THRAP3: variants seen among roughly 807,000 people sequenced by gnomAD.
THRAP3 encodes the protein thyroid hormone receptor-associated protein 3.
In THRAP3, 16 loss-of-function variants were observed where a neutral mutation model predicts 101.0. The ratio of observed to expected loss-of-function variants is 0.16; its 90% CI spans 0.11 to 0.24. The LOEUF (loss-of-function observed/expected upper bound fraction) is 0.24. THRAP3 is among the 10% of genes least tolerant of loss of function. The pLI, the probability that THRAP3 is intolerant of heterozygous loss-of-function variation, is 1.00. For synonymous variants in THRAP3, 407 were observed against 422.6 expected (o/e 0.96, Z 0.45); for missense variants, 989 against 1,202.7 (o/e 0.82, Z 2.63).
chr1:36,293,741 G>A (rs1245205878), intron 7 of THRAP3, 110 bp from the exon 8 acceptor site: 11 of 824,114 alleles, frequency 1.3e-5, no homozygotes, highest in Admixed American at 9.2e-5. Context: ...GTCATGAAAC[G>A]TAAGGAAAAA....
At chr1:36,293,611 AACTTCTGTTAC>A (rs1281995449) in intron 7 of THRAP3, among the ~76,000 whole-genome samples, 2 of 144,630 alleles carry the variant, frequency 1.4e-5, no homozygotes, top group African/African-American at 5.1e-5. Context: ...AAAAACCTCT[AACTTCTGTTAC>A]ACTGTGGGAA....
intron 1 of THRAP3, among the ~76,000 whole-genome samples, chr1:36,250,359 G>A (rs1242432929): frequency 2.0e-5 from 3 of 151,704 alleles, no homozygotes; most frequent in Non-Finnish European, 4.4e-5. Flanking sequence ...TACTACAGGC[G>A]CCCGCCACCA....
chr1:36,248,175 C>T (rs576827603), intron 1 of THRAP3, among the ~76,000 whole-genome samples: 3 of 152,212 alleles, frequency 2.0e-5, no homozygotes, highest in African/African-American at 4.8e-5. Flanking sequence ...CCACGGTGCC[C>T]AGCCTCCTTC....
At chr1:36,248,705 C>A (rs1433667935) in intron 1 of THRAP3, among the ~76,000 whole-genome samples, 1 of 151,668 alleles carries the variant, frequency 6.6e-6, no homozygotes, top group African/African-American at 2.4e-5. Context: ...TCAGTAAATT[C>A]TTATGTATGT....
At chr1:36,245,460 C>T (rs762207850) in intron 1 of THRAP3, among the ~76,000 whole-genome samples, 11 of 152,180 alleles carry the variant, frequency 7.2e-5, no homozygotes, top group Non-Finnish European at 1.2e-4. Context: ...TGAGCCACCA[C>T]GCCTGGGTCC....
chr1:36,216,712 G>A, the THRAP3 span, among the ~76,000 whole-genome samples: 1 of 152,032 alleles, frequency 6.6e-6, no homozygotes, highest in African/African-American at 2.4e-5. Context: ...TTGAGCCCAG[G>A]AGGCTGCAGT....
At chr1:36,265,013 C>T (rs1041269527) in intron 2 of THRAP3, among the ~76,000 whole-genome samples, 76 of 152,240 alleles carry the variant, frequency 5.0e-4, no homozygotes, top group African/African-American at 1.7e-3. Context: ...CCAAATTTCC[C>T]CTTTTTATAA....
chr1:36,227,314 G>A (rs1008728766), intron 1 of THRAP3, among the ~76,000 whole-genome samples: 4 of 150,178 alleles, frequency 2.7e-5, no homozygotes, highest in African/African-American at 7.4e-5. Flanking sequence ...ATGGTGTTTC[G>A]CTCTTGTTGC....
At chr1:36,262,772 TTTTATTTTATTTTA>T (rs1275204586) in intron 2 of THRAP3, among the ~76,000 whole-genome samples, 2 of 150,464 alleles carry the variant, frequency 1.3e-5, no homozygotes, top group Non-Finnish European at 3.0e-5. Flanking sequence ...TTCTATTTTA[TTTTATTTTATTTTA>T]TTTATTTATT....
chr1:36,277,511 A>AT (rs1321737969), intron 2 of THRAP3, among the ~76,000 whole-genome samples: 1 of 148,268 alleles, frequency 6.7e-6, no homozygotes, highest in Non-Finnish European at 1.5e-5. Flanking sequence ...ACATTTATTT[A>AT]TTTTTTATTT....
chr1:36,231,066 C>T (rs527504932), intron 1 of THRAP3, among the ~76,000 whole-genome samples: 15 of 152,182 alleles, frequency 9.9e-5, no homozygotes, highest in African/African-American at 3.6e-4. Flanking sequence ...GTCTATTTTC[C>T]ATCTTTTATT....
At chr1:36,270,412 G>GGCACAC (rs1293665548) in intron 2 of THRAP3, among the ~76,000 whole-genome samples, 90 of 152,004 alleles carry the variant, frequency 5.9e-4, no homozygotes, top group African/African-American at 1.5e-3. Flanking sequence ...CACGCACACA[G>GGCACAC]GCACACGCAC....
chr1:36,292,558 C>T, intron 6 of THRAP3, 40 bp from the exon 7 acceptor site: 1 of 1,527,136 alleles, frequency 6.5e-7, no homozygotes, highest in Non-Finnish European at 9.0e-7. Context: ...GCTTGAGCCA[C>T]CATGCCTGGC....
intron 9 of THRAP3, among the ~76,000 whole-genome samples, chr1:36,298,588 G>A (rs1326317389): frequency 6.6e-6 from 1 of 152,060 alleles, no homozygotes; most frequent in Non-Finnish European, 1.5e-5. Flanking sequence ...TGAACTCCTG[G>A]GTTCAAGTGA....
At chr1:36,249,114 C>T (rs1376485251) in intron 1 of THRAP3, among the ~76,000 whole-genome samples, 1 of 151,844 alleles carries the variant, frequency 6.6e-6, no homozygotes, top group Non-Finnish European at 1.5e-5. Flanking sequence ...TCTCAAACTC[C>T]AGACCACAGG....
chr1:36,303,164 G>A (rs77802064), intron 11 of THRAP3, among the ~76,000 whole-genome samples: 3,762 of 134,466 alleles, frequency 0.028, 71 homozygotes, highest in Non-Finnish European at 0.041. Flanking sequence ...GGTTTTCACC[G>A]TATAGCCCAG....
chr1:36,215,373 A>G, the THRAP3 span, among the ~76,000 whole-genome samples: 1 of 152,294 alleles, frequency 6.6e-6, no homozygotes, highest in East Asian at 1.9e-4. Context: ...ATTACACTCC[A>G]GAGTCAATGG....
At chr1:36,266,450 A>G (rs1467817625) in intron 2 of THRAP3, among the ~76,000 whole-genome samples, 1 of 151,910 alleles carries the variant, frequency 6.6e-6, no homozygotes, top group African/African-American at 2.4e-5. Context: ...TACATTTCTC[A>G]TTGAATTTTC....
the THRAP3 span, among the ~76,000 whole-genome samples, chr1:36,212,051 G>T: frequency 1.3e-5 from 2 of 152,180 alleles, no homozygotes. Flanking sequence ...CTAATGTCAG[G>T]CGTGGCTGAA....
Sources: allele counts gnomAD v4.1 joint callset (sites outside exome capture counted in the v4.1 genomes callset), GRCh38; gene constraint gnomAD v4.1.1; transcripts MANE v1.5; gene names NCBI Gene and HGNC (gene_info 2026-07-23, HGNC 2026-07-21).